The following MINK1 variants were observed in gnomAD, a reference collection of about 807,000 sequenced individuals.
MINK1 encodes misshapen-like kinase 1.
Under a neutral mutation model 178.4 loss-of-function variants are expected in MINK1, and 46 were observed. That is an observed-to-expected ratio of 0.26 (90% CI 0.20 to 0.33). The LOEUF (loss-of-function observed/expected upper bound fraction) is 0.33. MINK1 is among the 10% of genes least tolerant of loss of function. The pLI is 1.00. For synonymous variants in MINK1, 797 were observed against 709.7 expected (o/e 1.12, Z -1.96); for missense variants, 1,366 against 1,814.9 (o/e 0.75, Z 4.49).
intron 1 of MINK1, among the ~76,000 whole-genome samples, chr17:4,867,142 T>G (rs1257396607): frequency 6.9e-4 from 7 of 10,114 alleles, no homozygotes; most frequent in East Asian, 0.013. Context: ...AGGACTGTTT[T>G]TTTTTTTTTT....
intron 1 of MINK1, among the ~76,000 whole-genome samples, chr17:4,851,302 T>A (rs138740931): frequency 3.3e-5 from 5 of 152,014 alleles, no homozygotes; most frequent in Admixed American, 6.6e-5. Flanking sequence ...CTCCAAGAGG[T>A]TAAGTGATTT....
Position 4,887,566 on chromosome 17 carries a change from C to G in MINK1, c.1020-14C>G. The G allele has an allele frequency of 6.7e-7, 1 of 1,489,606 alleles. No homozygotes were observed. Among genetic ancestry groups the G allele is most frequent in the Non-Finnish European group, 8.9e-7 (1 of 1,119,818 alleles). 92.3% of individuals were successfully genotyped at this position (1,489,606 alleles called of 1,614,324 possible). A position where few individuals can be genotyped will look rare whatever the true frequency, so the allele number is the denominator to read the frequency against. ...GTTCTGACCCCAGTGCTTCTTTGTG[C>G]CACCCCTGCCCAGCTCCATCATGAA... On this transcript the variant is annotated splice_polypyrimidine_tract_variant and intron_variant, in intron 11 of 31. Coordinates refer to ENST00000355280, the MANE Select transcript of MINK1 (RefSeq NM_153827.5). The surrounding 1 kb of genome is among the most constrained non-coding windows in gnomAD (Gnocchi z 7.6).
At chr17:4,876,200 C>T (rs1252698378) in intron 1 of MINK1, among the ~76,000 whole-genome samples, 1 of 152,118 alleles carries the variant, frequency 6.6e-6, no homozygotes, top group Non-Finnish European at 1.5e-5. Context: ...AGAGAAGGAA[C>T]CCCCTTCAGC....
At chr17:4,874,669 C>T (rs925791088) in intron 1 of MINK1, among the ~76,000 whole-genome samples, 5 of 151,956 alleles carry the variant, frequency 3.3e-5, no homozygotes, top group African/African-American at 1.2e-4. Context: ...GGTGGGAAAG[C>T]GGTGCTGCTA....
chr17:4,878,288 C>T (rs1417316038), intron 1 of MINK1, 29 bp from the exon 2 acceptor site: 2 of 1,531,162 alleles, frequency 1.3e-6, no homozygotes, highest in African/African-American at 2.7e-5. Context: ...AAAGTCTTGA[C>T]ACAGTATTCT....
chr17:4,858,467 A>T (rs6502825), intron 1 of MINK1, among the ~76,000 whole-genome samples: 94,719 of 149,496 alleles, frequency 0.63, 31,372 homozygotes, highest in Non-Finnish European at 0.75. Flanking sequence ...ATTTTTTTTT[A>T]ATTTAAATTT....
In MINK1 at chr17:4,895,517, G is replaced by A. The variant is rs753601121; in HGVS notation, c.3229+24G>A. 3.2e-6 allele frequency: 5 copies of A among 1,557,476 alleles called. No individual in the cohort carries two copies. Among genetic ancestry groups the A allele is most frequent in the South Asian group, 1.2e-5 (1 of 82,188 alleles). ...AGGTACAGGTGTGGTGAGTGGGGGA[G>A]GGAGGAGGGGCTCAGCTCCTTGGCG... On this transcript the variant is annotated intron_variant, in intron 26 of 31. Transcript: ENST00000355280. This position sits in a 1 kb window ranked among gnomAD's most constrained non-coding sequence, Gnocchi z 4.3.
Position 4,892,246 on chromosome 17 carries a change from G to C in MINK1, c.2087+12G>C. The stretch of plus-strand genomic sequence containing the variant: ...GCAGTCCGTGCCAGGTAATGCCTGG[G>C]TAGGGCAACGCCTGGGTGAGGTCTG... On this transcript the variant is annotated intron_variant, in intron 17 of 31. Transcript: ENST00000355280. 1 of 1,561,044 alleles carries C rather than the reference G, an allele frequency of 6.4e-7. No homozygotes were observed. The highest frequency in any genetic ancestry group is 2.4e-5 in the East Asian group (1 of 41,778).
chr17:4,849,389 A>G (rs1911566891), intron 1 of MINK1, among the ~76,000 whole-genome samples: 1 of 152,186 alleles, frequency 6.6e-6, no homozygotes, highest in East Asian at 1.9e-4. Context: ...GAGACAAGAC[A>G]TTGGCACAGA....
chr17:4,833,480 G>A lies in MINK1; in HGVS notation c.-104G>A. 3.1e-6 allele frequency: 3 copies of A among 975,472 alleles called. No individual in the cohort carries two copies. Among genetic ancestry groups the A allele is most frequent in the Non-Finnish European group, 4.4e-6 (3 of 679,758 alleles). The allele number at this position is 975,472 out of a possible 1,614,324, so 60.4% of individuals were successfully genotyped here. On this transcript the variant is annotated 5_prime_UTR_variant, in exon 1 of 32. Coordinates refer to ENST00000355280, the MANE Select transcript of MINK1 (RefSeq NM_153827.5). This position sits in a 1 kb window ranked among gnomAD's most constrained non-coding sequence, Gnocchi z 4.8. ...CGGTCTCCGGGGGAGGCGCGGTGGAGTCCGCCCCCGGGGTTCTCCGATGGG... is the reference window on the plus strand; with the variant it reads ...CGGTCTCCGGGGGAGGCGCGGTGGAATCCGCCCCCGGGGTTCTCCGATGGG...
In MINK1 at chr17:4,896,273, C is replaced by T. The variant is rs774284503; in HGVS notation, c.3546C>T (p.Gly1182=). 13 of 1,607,644 alleles carry T rather than the reference C, an allele frequency of 8.1e-6. No homozygotes were observed. Among genetic ancestry groups the T allele is most frequent in the East Asian group, 2.2e-5 (1 of 44,868 alleles). Residue 1182 remains glycine (G), a synonymous_variant, in exon 29 of 32, where the codon GGC becomes GGT. Transcript: ENST00000355280. The surrounding 1 kb of genome is among the most constrained non-coding windows in gnomAD (Gnocchi z 4.6). Reference sequence around the variant, plus strand: ...GGCAGCGGCTCAAGGTCATCTATGGCTCCAGTGCTGGCTTCCATGCTGTGG... The same window carrying T: ...GGCAGCGGCTCAAGGTCATCTATGGTTCCAGTGCTGGCTTCCATGCTGTGG... ...EEGQRLKVIY[G]SSAGFHAVDV...
At position 4,894,587 on chromosome 17, in the gene MINK1, A is replaced by G. The variant is rs1176830376; in HGVS notation, c.2871A>G (p.Leu957=). The G allele has an allele frequency of 1.2e-6, 2 of 1,609,474 alleles. No individual in the cohort carries two copies. The highest frequency in any genetic ancestry group is 1.7e-5 in the Admixed American group (1 of 59,394). ...GCTCGTTCACGATGTTTGTGGATCT[A>G]GGGATCTACCAGCCTGGAGGCAGTG... ...GKSSFTMFVD[L]GIYQPGGSGD... The change falls in exon 24 of 32, where the codon CTA becomes CTG. Residue 957 remains leucine, a synonymous_variant. Coordinates refer to ENST00000355280, the MANE Select transcript of MINK1 (RefSeq NM_153827.5). The surrounding 1 kb of genome is among the most constrained non-coding windows in gnomAD (Gnocchi z 4.1).
chr17:4,885,049 A>G lies in MINK1; in HGVS notation c.508+47A>G. On this transcript the variant is annotated intron_variant, in intron 6 of 31. Coordinates refer to ENST00000355280, the MANE Select transcript of MINK1 (RefSeq NM_153827.5). This position sits in a 1 kb window ranked among gnomAD's most constrained non-coding sequence, Gnocchi z 5.0. ...CTGACGAGGACCTTTCACCTCCAGAACAGAGAATGAGGGGCCCCTTTTTCT... is the reference window on the plus strand; with the variant it reads ...CTGACGAGGACCTTTCACCTCCAGAGCAGAGAATGAGGGGCCCCTTTTTCT... 1.3e-6 allele frequency: 2 copies of G among 1,588,552 alleles called. No homozygotes were observed. Among genetic ancestry groups the G allele is most frequent in the African/African-American group, 2.7e-5 (2 of 74,444 alleles).
chr17:4,842,257 G>A (rs573160033), intron 1 of MINK1, among the ~76,000 whole-genome samples: 2 of 150,462 alleles, frequency 1.3e-5, no homozygotes, highest in South Asian at 2.1e-4. Context: ...GAGCACTAAC[G>A]GCATTTAGCA....
At chr17:4,874,303 G>A (rs1301539521) in intron 1 of MINK1, among the ~76,000 whole-genome samples, 1 of 152,206 alleles carries the variant, frequency 6.6e-6, no homozygotes, top group African/African-American at 2.4e-5. Flanking sequence ...TCCCTGCTTA[G>A]GGCTTAGCCC....
In MINK1 at chr17:4,887,329, T is replaced by C; in HGVS notation, c.1019+150T>C. 2 of 856,216 alleles carry C rather than the reference T, an allele frequency of 2.3e-6. No individual in the cohort carries two copies. The highest frequency in any genetic ancestry group is 1.6e-5 in the South Asian group (1 of 60,832). 53.0% of individuals were successfully genotyped at this position (856,216 alleles called of 1,614,324 possible). ...AACCAAATTTCTGAGTGCTAAGAAGTGGAACCAATGACTGAGCAAGAGCTG... is the reference window on the plus strand; with the variant it reads ...AACCAAATTTCTGAGTGCTAAGAAGCGGAACCAATGACTGAGCAAGAGCTG... On this transcript the variant is annotated intron_variant, in intron 11 of 31. Transcript: ENST00000355280. The surrounding 1 kb of genome is among the most constrained non-coding windows in gnomAD (Gnocchi z 7.6).
rs548314201 is a variant in MINK1 at position 4,857,095 on chromosome 17, C to T, written c.58-21222C>T. On this transcript the variant is annotated intron_variant, in intron 1 of 31. Coordinates refer to ENST00000355280, the MANE Select transcript of MINK1 (RefSeq NM_153827.5). ...CCGGCTGCCAGGCCACTCAGGCCAG[C>T]GCCCAGCTGGAGGAAACTGCTATAG... The T allele has an allele frequency of 1.2e-4, 26 of 210,280 alleles. 1 individual carries two copies. Among genetic ancestry groups the T allele is most frequent in the African/African-American group, 5.7e-4 (24 of 42,378 alleles). The allele number at this position is 210,280 out of a possible 1,614,324, so 13.0% of individuals were successfully genotyped here.
Position 4,896,876 on chromosome 17 carries a change from G to A in MINK1, c.3915+63G>A. The A allele has an allele frequency of 1.3e-6, 2 of 1,504,014 alleles. No homozygotes were observed. Among genetic ancestry groups the A allele is most frequent in the Non-Finnish European group, 1.8e-6 (2 of 1,128,904 alleles). The allele number at this position is 1,504,014 out of a possible 1,614,324, so 93.2% of individuals were successfully genotyped here. The stretch of plus-strand genomic sequence containing the variant: ...GGCTGCCATGACCCTAGGCCCCTGG[G>A]CAGAGTTCTGGGGAGAGGATGGTGG... On this transcript the variant is annotated intron_variant, in intron 31 of 31. Transcript: ENST00000355280. This position sits in a 1 kb window ranked among gnomAD's most constrained non-coding sequence, Gnocchi z 4.6.
rs1210847029 is a variant in MINK1, at chr17:4,896,249, G to A, written c.3522G>A (p.Gly1174=). The change falls in exon 29 of 32, where the codon GGG becomes GGA. Residue 1174 remains glycine, a synonymous_variant. Coordinates refer to ENST00000355280, the MANE Select transcript of MINK1 (RefSeq NM_153827.5). This position sits in a 1 kb window ranked among gnomAD's most constrained non-coding sequence, Gnocchi z 4.6. ...TGGTCGACCTGACAGTAGAGGAGGG[G>A]CAGCGGCTCAAGGTCATCTATGGCT... ...PLLVDLTVEE[G]QRLKVIYGSS... 1 of 1,606,888 alleles carries A rather than the reference G, an allele frequency of 6.2e-7. No homozygotes were observed.
Sources: allele counts gnomAD v4.1 joint callset (sites outside exome capture counted in the v4.1 genomes callset), GRCh38; gene constraint gnomAD v4.1.1; non-coding constraint Gnocchi (gnomAD v3.1); transcripts MANE v1.5; gene names NCBI Gene and HGNC (gene_info 2026-07-23, HGNC 2026-07-21).